Variants in ELMO2 observed in about 807,000 individuals in gnomAD.
The protein encoded by ELMO2 is engulfment and cell motility 2, also known as engulfment and cell motility protein 2.
In ELMO2, 37 loss-of-function variants were observed where a neutral mutation model predicts 96.2. The observed-to-expected ratio is 0.38, with a 90% CI of 0.30 to 0.51. The LOEUF is 0.51. Among genes scored for constraint, ELMO2 ranks in the 20% least tolerant of loss-of-function variants. The pLI is 0.88. For synonymous variants in ELMO2, 315 were observed against 329.4 expected (o/e 0.96, Z 0.47); for missense variants, 561 against 912.6 (o/e 0.61, Z 4.96).
intron 6 of ELMO2, 64 bp from the exon 7 acceptor site, chr20:46,389,284 A>T: frequency 6.6e-7 from 1 of 1,506,158 alleles, no homozygotes; most frequent in East Asian, 2.3e-5. Context: ...CTCTGTGGAT[A>T]GCTCACAGAG....
At position 46,366,237 on chromosome 20, in the gene ELMO2, TAA is replaced by T. The variant is rs1441111935; in HGVS notation, c.*1121_*1122del. On this transcript the variant is annotated 3_prime_UTR_variant, in exon 22 of 22. Transcript: ENST00000290246. Reference sequence around the variant, plus strand: ...ATATAAATATATATACACGTCTGTATAAGTATGGCCTATAGTAATGAAAATAT... The same window carrying T: ...ATATAAATATATATACACGTCTGTATGTATGGCCTATAGTAATGAAAATAT... 1.3e-5 allele frequency: 2 copies of T among 152,664 alleles called. No individual in the cohort carries two copies. Among genetic ancestry groups the T allele is most frequent in the Admixed American group, 6.5e-5 (1 of 15,290 alleles). 9.5% of individuals were successfully genotyped at this position (152,664 alleles called of 1,614,324 possible). A position where few individuals can be genotyped will look rare whatever the true frequency, so the allele number is the denominator to read the frequency against.
At chr20:46,389,720 A>G (rs2060118061) in intron 6 of ELMO2, among the ~76,000 whole-genome samples, 1 of 152,100 alleles carries the variant, frequency 6.6e-6, no homozygotes, top group African/African-American at 2.4e-5. Flanking sequence ...GTGGTGGTGC[A>G]CACCTGTAGT....
chr20:46,403,959 C>T (rs1803810252), intron 1 of ELMO2, among the ~76,000 whole-genome samples: 1 of 152,196 alleles, frequency 6.6e-6, no homozygotes, highest in African/African-American at 2.4e-5. Flanking sequence ...TGGCAGGCAC[C>T]TGTAATCCCA....
At chr20:46,374,759 C>T in intron 13 of ELMO2, 119 bp from the exon 14 acceptor site, 1 of 824,836 alleles carries the variant, frequency 1.2e-6, no homozygotes, top group Non-Finnish European at 1.9e-6. Context: ...CACCTCTGTC[C>T]TAGCTCTTTT....
rs1288194786 is a variant in ELMO2 at position 46,367,120 on chromosome 20, C to T, written c.*240G>A. On this transcript the variant is annotated 3_prime_UTR_variant, in exon 22 of 22. Coordinates refer to ENST00000290246, the MANE Select transcript of ELMO2 (RefSeq NM_133171.5). The stretch of plus-strand genomic sequence containing the variant: ...GCATCTGCTGTTTGTTCCTCGTGGC[C>T]CAATCCCAGGCTTCATGGTGATGGA... 2 of 384,336 alleles carry T rather than the reference C, an allele frequency of 5.2e-6. No individual in the cohort carries two copies. Among genetic ancestry groups the T allele is most frequent in the East Asian group, 7.8e-5 (2 of 25,516 alleles). The allele number at this position is 384,336 out of a possible 1,614,324, so 23.8% of individuals were successfully genotyped here.
At chr20:46,385,353 A>G (rs2060023076) in intron 9 of ELMO2, among the ~76,000 whole-genome samples, 1 of 152,238 alleles carries the variant, frequency 6.6e-6, no homozygotes, top group African/African-American at 2.4e-5. Context: ...AGTATCTGGT[A>G]AAATGTTTTA....
chr20:46,369,371 C>T (rs1364214097), intron 20 of ELMO2: 1 of 168,570 alleles, frequency 5.9e-6, no homozygotes, highest in Non-Finnish European at 1.3e-5. Context: ...CACACACACA[C>T]ACAAAATTGG....
chr20:46,368,853 A>AT, intron 21 of ELMO2, 38 bp downstream of exon 21: 1 of 1,608,518 alleles, frequency 6.2e-7, no homozygotes, highest in Non-Finnish European at 8.5e-7. Flanking sequence ...GAGTTACAGA[A>AT]ATAGCTCTGT....
chr20:46,369,961 G>GGGGTGT (rs1491178839), intron 20 of ELMO2: 4 of 49,480 alleles, frequency 8.1e-5, no homozygotes, highest in African/African-American at 2.3e-4. Context: ...TGGGTATGGG[G>GGGGTGT]GTGTGTGTGT....
intron 11 of ELMO2, among the ~76,000 whole-genome samples, chr20:46,377,970 C>T (rs1406560253): frequency 1.3e-5 from 2 of 152,208 alleles, no homozygotes; most frequent in East Asian, 3.8e-4. Flanking sequence ...AGGTTTTCTT[C>T]TCCACTGCTC....
chr20:46,387,629 C>A (rs2060070866), intron 7 of ELMO2, 192 bp from the exon 8 acceptor site: 3 of 107,844 alleles, frequency 2.8e-5, no homozygotes, highest in Non-Finnish European at 3.5e-5. Flanking sequence ...GTATCTATCG[C>A]TGCAAAAAAA....
intron 8 of ELMO2, among the ~76,000 whole-genome samples, chr20:46,386,716 A>T (rs1185629756): frequency 1.3e-5 from 2 of 152,200 alleles, no homozygotes; most frequent in Non-Finnish European, 2.9e-5. Context: ...CCCCATTATA[A>T]TATCCTTGAC....
chr20:46,394,234 C>A, intron 3 of ELMO2, 145 bp from the exon 4 acceptor site: 1 of 1,115,224 alleles, frequency 9.0e-7, no homozygotes. Flanking sequence ...GGAAGCCTCT[C>A]CCAAGCCATG....
chr20:46,385,293 C>T (rs941118649), intron 9 of ELMO2, among the ~76,000 whole-genome samples: 9 of 152,170 alleles, frequency 5.9e-5, no homozygotes, highest in African/African-American at 1.9e-4. Flanking sequence ...GTAAAAACAG[C>T]GGAGACGGGA....
chr20:46,377,438 C>T (rs1486179461), intron 11 of ELMO2, among the ~76,000 whole-genome samples: 1 of 152,118 alleles, frequency 6.6e-6, no homozygotes, highest in Non-Finnish European at 1.5e-5. Flanking sequence ...TGCTCTAGAC[C>T]TCTTCCCCTA....
intron 1 of ELMO2, among the ~76,000 whole-genome samples, chr20:46,405,959 G>T (rs1384246655): frequency 6.6e-6 from 1 of 152,226 alleles, no homozygotes; most frequent in Non-Finnish European, 1.5e-5. Context: ...CCCTGTGCCT[G>T]CGCAGGGCAG....
rs547697566 is a variant in ELMO2, at chr20:46,385,392, C to A, written c.677+732G>T. On this transcript the variant is annotated intron_variant, in intron 9 of 21. Transcript: ENST00000290246. ...TGTGATAAGAGTCTTAACAAACAAACAAAGGAAAAAAGCCCCTGAATTTAC... is the reference window on the plus strand; with the variant it reads ...TGTGATAAGAGTCTTAACAAACAAAAAAAGGAAAAAAGCCCCTGAATTTAC... 2.0e-5 allele frequency among the ~76,000 whole-genome samples: 3 copies of A among 152,272 alleles called. No individual in the cohort carries two copies. The East Asian group carries it at 5.8e-4, about 29-fold the overall frequency.
At position 46,393,570 on chromosome 20, in the gene ELMO2, G is replaced by C. The variant is rs549091525; in HGVS notation, c.151C>G (p.Leu51Val). ...WSLPNPEYYT[L>V]RYADGPQLYI... ...AGCTGAGGACCATCTGCATAACGGA[G>C]GGTATAATACTCTGGGTTTGGCAAC... is the stretch of plus-strand genomic sequence containing the variant. Residue 51 changes from leucine to valine, a missense_variant, in exon 5 of 22, where the codon CTC (leucine) becomes GTC (valine). Coordinates refer to ENST00000290246, the MANE Select transcript of ELMO2 (RefSeq NM_133171.5). 1 of 1,614,088 alleles carries C rather than the reference G, an allele frequency of 6.2e-7. No individual in the cohort carries two copies. The highest frequency in any genetic ancestry group is 1.1e-5 in the South Asian group (1 of 91,080).
chr20:46,377,063 T>C (rs1600837431), intron 11 of ELMO2: 2 of 273,656 alleles, frequency 7.3e-6, no homozygotes, highest in East Asian at 2.1e-4. Flanking sequence ...TCAGTATCTT[T>C]TTAAAGCTCC....
Sources: gnomAD v4.1 joint callset for allele counts (sites outside exome capture counted in the v4.1 genomes callset) on GRCh38, gnomAD v4.1.1 for gene constraint, MANE v1.5 for transcripts, NCBI Gene and HGNC (gene_info 2026-07-23, HGNC 2026-07-21) for gene names.